DAB2IP: variants seen among roughly 807,000 people sequenced by gnomAD.
DAB2IP encodes disabled homolog 2-interacting protein.
In DAB2IP, 28 loss-of-function variants were observed where a neutral mutation model predicts 107.2. The observed-to-expected ratio is 0.26, with a 90% CI of 0.19 to 0.36. DAB2IP has a LOEUF of 0.36. Ranked by LOEUF, DAB2IP falls within the 10% of genes least tolerant of loss-of-function variation. The pLI is 1.00. For synonymous variants in DAB2IP, 755 were observed against 706.4 expected, an observed-to-expected ratio of 1.07 and a Z score of -1.09; for missense variants, 1,400 against 1,644.7, an observed-to-expected ratio of 0.85 and a Z score of 2.57.
intron 3 of DAB2IP, among the ~76,000 whole-genome samples, chr9:121,731,459 C>T (rs943051929): frequency 3.3e-5 from 5 of 152,138 alleles, no homozygotes; most frequent in Non-Finnish European, 7.4e-5. Context: ...CTCTGCCCTC[C>T]TTGAAGTAGG....
At chr9:121,649,396 C>T (rs1254481287), upstream of DAB2IP, among the ~76,000 whole-genome samples, 1 of 142,452 alleles carries the variant, frequency 7.0e-6, no homozygotes, top group Non-Finnish European at 1.6e-5. Context: ...ACTGCCCCCT[C>T]TCCCCTCCAC....
Position 121,782,311 on chromosome 9 carries a change from C to A in DAB2IP, c.3403-20C>A, listed in dbSNP as rs1389943507. 6.2e-7 allele frequency: 1 copy of A among 1,610,340 alleles called. No individual in the cohort carries two copies. Reference sequence around the variant, plus strand: ...AGGAGCCTGTCCCATGACCCCCGCTCACATCCCCATTGTCCACAGGAGAAG... The same window carrying A: ...AGGAGCCTGTCCCATGACCCCCGCTAACATCCCCATTGTCCACAGGAGAAG... On this transcript the variant is annotated intron_variant, in intron 15 of 15. Coordinates refer to ENST00000408936, the Ensembl canonical transcript of DAB2IP. This position sits in a 1 kb window ranked among gnomAD's most constrained non-coding sequence, Gnocchi z 6.1.
chr9:121,784,652 G>A (rs1455244461), exon 16 of DAB2IP: 1 of 155,000 alleles, frequency 6.5e-6, no homozygotes, highest in African/African-American at 2.4e-5. Context: ...CCTAATGGTT[G>A]TACATATCCT....
intron 1 of DAB2IP, among the ~76,000 whole-genome samples, chr9:121,573,791 G>T (rs954901743): frequency 6.6e-6 from 1 of 152,260 alleles, no homozygotes; most frequent in South Asian, 2.1e-4. Context: ...CCCTGATCAC[G>T]CAGTGAGTGC....
intron 1 of DAB2IP, among the ~76,000 whole-genome samples, chr9:121,619,439 G>A (rs1316381981): frequency 1.5e-4 from 23 of 152,222 alleles, no homozygotes. Flanking sequence ...GAGCCACTGA[G>A]CCTGGCCTTC....
At chr9:121,647,564 G>A (rs80332780), upstream of DAB2IP, among the ~76,000 whole-genome samples, 218 of 152,106 alleles carry the variant, frequency 1.4e-3, 1 homozygote, top group East Asian at 0.015. Flanking sequence ...GGATGCTGAT[G>A]GTTTTCTGCC....
intron 3 of DAB2IP, chr9:121,737,238 G>T: frequency 1.0e-6 from 1 of 985,370 alleles, no homozygotes; most frequent in Non-Finnish European, 1.2e-6. Context: ...GGCTGGAAGC[G>T]ATAGTTTGCT....
chr9:121,781,541 T>C, exon 15 of DAB2IP: 4 of 1,613,900 alleles, frequency 2.5e-6, no homozygotes, highest in Non-Finnish European at 3.4e-6. Context: ...CAGAAGATCA[T>C]TGATGCCCAG....
In DAB2IP at chr9:121,641,937, C is replaced by CTTTCTT. The variant is rs1474166220; in HGVS notation, c.41-36740_41-36739insTTCTTT. On this transcript the variant is annotated intron_variant, in intron 1 of 16. Coordinates refer to the DAB2IP transcript ENST00000259371. ...TCTTTCTTTCTTTCTTTCTTTCTTT[C>CTTTCTT]TCTCTTTCTTTCCTTTCTTTCTTTC... Among the ~76,000 whole-genome samples, 27 of 112,630 alleles carry CTTTCTT rather than the reference C, an allele frequency of 2.4e-4. 2 individuals carry two copies. Among genetic ancestry groups the CTTTCTT allele is most frequent in the Admixed American group, 1.1e-3 (11 of 10,032 alleles). 73.9% of individuals were successfully genotyped at this position (112,630 alleles called of 152,430 possible).
chr9:121,616,749 C>T (rs764400500), intron 1 of DAB2IP, among the ~76,000 whole-genome samples: 25 of 152,280 alleles, frequency 1.6e-4, no homozygotes, highest in Non-Finnish European at 2.2e-4. Flanking sequence ...GGCCCTGGCC[C>T]GACCCTGGCC....
intron 3 of DAB2IP, among the ~76,000 whole-genome samples, chr9:121,749,877 C>G (rs1199264304): frequency 1.3e-5 from 2 of 152,114 alleles, no homozygotes; most frequent in African/African-American, 4.8e-5. Context: ...TCTTGTCACT[C>G]CAAATTGTCA....
chr9:121,656,375 C>A (rs562282242), intron 1 of DAB2IP, among the ~76,000 whole-genome samples: 22 of 152,282 alleles, frequency 1.4e-4, no homozygotes, highest in African/African-American at 5.3e-4. Flanking sequence ...ATGAGTTGGG[C>A]GAGCCTGAGA....
chr9:121,603,868 G>A (rs1237901672), intron 1 of DAB2IP, among the ~76,000 whole-genome samples: 1 of 152,134 alleles, frequency 6.6e-6, no homozygotes, highest in African/African-American at 2.4e-5. Context: ...TGGGCTCAGG[G>A]CATGGGTGAG....
chr9:121,594,183 A>G (rs1830478399), intron 1 of DAB2IP, among the ~76,000 whole-genome samples: 1 of 151,688 alleles, frequency 6.6e-6, no homozygotes, highest in South Asian at 2.1e-4. Context: ...ATGTAGTAGC[A>G]TGCTCTAGGT....
chr9:121,783,723 G>C (rs961244068), exon 16 of DAB2IP: 11 of 863,948 alleles, frequency 1.3e-5, no homozygotes, highest in Non-Finnish European at 1.7e-5. Context: ...CCCGGCCCCC[G>C]GCCAAGGACC....
At chr9:121,618,094 C>T (rs375060058) in intron 1 of DAB2IP, among the ~76,000 whole-genome samples, 44 of 152,268 alleles carry the variant, frequency 2.9e-4, no homozygotes, top group African/African-American at 9.9e-4. Flanking sequence ...TCAAGCTGGC[C>T]AGAGTGAAAG....
chr9:121,611,817 T>G (rs1039763732), intron 1 of DAB2IP, among the ~76,000 whole-genome samples: 8 of 152,142 alleles, frequency 5.3e-5, no homozygotes, highest in African/African-American at 1.9e-4. Context: ...ACTCCTGGCC[T>G]CAAGTGATCC....
At chr9:121,712,652 T>C in intron 3 of DAB2IP, among the ~76,000 whole-genome samples, 1 of 152,182 alleles carries the variant, frequency 6.6e-6, no homozygotes, top group African/African-American at 2.4e-5. Context: ...GCCCCCAACA[T>C]GTGGTTGACA....
intron 1 of DAB2IP, among the ~76,000 whole-genome samples, chr9:121,641,617 T>C (rs1465842142): frequency 6.6e-6 from 1 of 152,174 alleles, no homozygotes; most frequent in East Asian, 1.9e-4. Context: ...CCGAGTGCAA[T>C]CTCTGTGCCA....
Sources: allele counts gnomAD v4.1 joint callset (sites outside exome capture counted in the v4.1 genomes callset), GRCh38; gene constraint gnomAD v4.1.1; non-coding constraint Gnocchi (gnomAD v3.1); transcripts MANE v1.5; gene names NCBI Gene and HGNC (gene_info 2026-07-23, HGNC 2026-07-21).